KCNIP4: variants seen among roughly 807,000 people sequenced by gnomAD.
KCNIP4 encodes the protein potassium voltage-gated channel interacting protein 4, also known as Kv channel-interacting protein 4.
A neutral mutation model predicts 34.0 loss-of-function variants in KCNIP4; 12 were observed. The observed-to-expected ratio is 0.35, with a 90% confidence interval of 0.23 to 0.57. The LOEUF is 0.57. KCNIP4 is among the 20% of genes least tolerant of loss of function. The pLI, the probability that KCNIP4 is intolerant of heterozygous loss-of-function variation, is 0.83. For missense variants in KCNIP4, 238 were observed against 311.7 expected, an observed-to-expected ratio of 0.76 and a Z score of 1.78; for synonymous variants, 124 against 102.2, an observed-to-expected ratio of 1.21 and a Z score of -1.29.
intron 1 of KCNIP4, among the ~76,000 whole-genome samples, chr4:21,419,388 G>T (rs533929561): frequency 2.0e-5 from 3 of 152,068 alleles, no homozygotes; most frequent in Non-Finnish European, 2.9e-5. Flanking sequence ...GATGATGATG[G>T]TGATGGTGAT....
chr4:21,156,317 T>C (rs1311516382), intron 1 of KCNIP4, among the ~76,000 whole-genome samples: 1 of 152,168 alleles, frequency 6.6e-6, no homozygotes, highest in Non-Finnish European at 1.5e-5. Flanking sequence ...ATTTTACCAA[T>C]GAATGTGAAC....
chr4:21,757,279 A>G (rs1717724391), intron 1 of KCNIP4, among the ~76,000 whole-genome samples: 3 of 87,472 alleles, frequency 3.4e-5, no homozygotes, highest in Admixed American at 2.1e-4. Flanking sequence ...AAAGAAAAGA[A>G]AAGAAAAGAG....
intron 1 of KCNIP4, among the ~76,000 whole-genome samples, chr4:21,507,438 G>A (rs1026806692): frequency 6.6e-6 from 1 of 151,884 alleles, no homozygotes; most frequent in Non-Finnish European, 1.5e-5. Context: ...CTAATTTTTA[G>A]TAGAGACAGG....
intron 1 of KCNIP4, among the ~76,000 whole-genome samples, chr4:21,620,407 T>C (rs1320783986): frequency 1.3e-5 from 2 of 152,008 alleles, no homozygotes; most frequent in Non-Finnish European, 1.5e-5. Flanking sequence ...GAGGCTGAGA[T>C]GGAAGGATCT....
intron 1 of KCNIP4, among the ~76,000 whole-genome samples, chr4:21,308,711 AGTGTGTGT>A (rs10525935): frequency 2.0e-5 from 3 of 149,874 alleles, no homozygotes; most frequent in East Asian, 2.0e-4. Context: ...CTGCCGTGTG[AGTGTGTGT>A]GTGTGTGTGT....
At chr4:21,845,242 T>C (rs1278261546) in intron 1 of KCNIP4, 2 of 152,154 alleles carry the variant, frequency 1.3e-5, no homozygotes, top group Non-Finnish European at 2.9e-5. Flanking sequence ...TATACAATCT[T>C]TACCACAATT....
chr4:20,985,979 T>G (rs951987414), intron 1 of KCNIP4, among the ~76,000 whole-genome samples: 2 of 152,160 alleles, frequency 1.3e-5, no homozygotes, highest in African/African-American at 4.8e-5. Context: ...TGGTTTAAAA[T>G]GGGAATGCTA....
intron 3 of KCNIP4, among the ~76,000 whole-genome samples, chr4:20,840,280 T>A (rs1719560337): frequency 6.6e-6 from 1 of 152,266 alleles, no homozygotes; most frequent in African/African-American, 2.4e-5. Context: ...TTGCATTCTT[T>A]TGTTGTAATA....
chr4:21,926,428 T>G (rs143895858), intron 1 of KCNIP4, among the ~76,000 whole-genome samples: 4 of 152,248 alleles, frequency 2.6e-5, no homozygotes, highest in East Asian at 1.9e-4. Flanking sequence ...TCGAGTCTAG[T>G]ATAAAGCTGA....
chr4:21,044,173 A>T (rs1742218877), intron 1 of KCNIP4, among the ~76,000 whole-genome samples: 1 of 151,998 alleles, frequency 6.6e-6, no homozygotes, highest in African/African-American at 2.4e-5. Context: ...GCTCACTCTC[A>T]TCTCCACTAC....
intron 2 of KCNIP4, 60 bp downstream of exon 2, chr4:20,882,548 G>T: frequency 8.6e-7 from 1 of 1,163,086 alleles, no homozygotes; most frequent in Non-Finnish European, 1.3e-6. Context: ...AATGCATGCA[G>T]GCCTAAAGAA....
chr4:21,910,517 G>T (rs1276166183), intron 1 of KCNIP4, among the ~76,000 whole-genome samples: 1 of 152,086 alleles, frequency 6.6e-6, no homozygotes, highest in Non-Finnish European at 1.5e-5. Flanking sequence ...AGGATCTTGT[G>T]AAGCCCCAGA....
rs138794822 is a variant in KCNIP4 at position 21,615,269 on chromosome 4, G to A, written c.61+333302C>T. On this transcript the variant is annotated intron_variant, in intron 1 of 8. Coordinates refer to ENST00000382152, the MANE Select transcript of KCNIP4 (RefSeq NM_025221.6). ...ACATACATCATATAGGGCCGGGCGC[G>A]GTGGCTCACGCCTGTAATCCTAGCA... Among the ~76,000 whole-genome samples the A allele has an allele frequency of 2.0e-3, 310 of 152,120 alleles. 3 individuals carry two copies. The highest frequency in any genetic ancestry group is 6.7e-3 in the African/African-American group (278 of 41,502).
chr4:21,000,834 T>G (rs1256369792), intron 1 of KCNIP4, among the ~76,000 whole-genome samples: 1 of 152,216 alleles, frequency 6.6e-6, no homozygotes, highest in Non-Finnish European at 1.5e-5. Context: ...CAGACATGCT[T>G]CTATCTCAGG....
Position 21,912,497 on chromosome 4 carries a change from T to C in KCNIP4, c.61+36074A>G, listed in dbSNP as rs139984246. Among the ~76,000 whole-genome samples, 31 of 152,288 alleles carry C rather than the reference T, an allele frequency of 2.0e-4. 1 individual carries two copies. The highest frequency in any genetic ancestry group is 7.5e-4 in the African/African-American group (31 of 41,560). On this transcript the variant is annotated intron_variant, in intron 1 of 8. Coordinates refer to ENST00000382152, the MANE Select transcript of KCNIP4 (RefSeq NM_025221.6). ...ATAAGCACTGAAGTAAGCACAATTT[T>C]AAAAGTCAAATCGATGTTAGAGCTA... is the stretch of plus-strand genomic sequence containing the variant.
chr4:21,207,084 G>A (rs1577888131), intron 1 of KCNIP4, among the ~76,000 whole-genome samples: 1 of 152,180 alleles, frequency 6.6e-6, no homozygotes, highest in African/African-American at 2.4e-5. Context: ...ACACCCCCCT[G>A]GTTAGTCAGG....
intron 1 of KCNIP4, among the ~76,000 whole-genome samples, chr4:21,902,105 G>C (rs1454697858): frequency 6.6e-6 from 1 of 152,080 alleles, no homozygotes; most frequent in Non-Finnish European, 1.5e-5. Flanking sequence ...TTAGAAACCT[G>C]GGGGAAGGGA....
chr4:21,438,578 A>G (rs999000188), intron 1 of KCNIP4, among the ~76,000 whole-genome samples: 2 of 152,184 alleles, frequency 1.3e-5, no homozygotes, highest in African/African-American at 2.4e-5. Context: ...GTATGCTGAA[A>G]ATAATCAGAA....
At chr4:21,169,278 A>G (rs535254121) in intron 1 of KCNIP4, among the ~76,000 whole-genome samples, 1 of 152,008 alleles carries the variant, frequency 6.6e-6, no homozygotes, top group Non-Finnish European at 1.5e-5. Context: ...TCAGCCTCCT[A>G]AGTAGCGAGG....
Sources: gnomAD v4.1 joint callset for allele counts (sites outside exome capture counted in the v4.1 genomes callset) on GRCh38, gnomAD v4.1.1 for gene constraint, MANE v1.5 for transcripts, NCBI Gene and HGNC (gene_info 2026-07-23, HGNC 2026-07-21) for gene names.